Variants in RFX3 observed in about 807,000 individuals in gnomAD.
RFX3 encodes the protein transcription factor RFX3.
RFX3 carries 14 observed loss-of-function variants against 98.6 expected under a neutral mutation model. The ratio of observed to expected loss-of-function variants is 0.14; its 90% CI spans 0.09 to 0.22. The LOEUF is 0.22. Among genes scored for constraint, RFX3 ranks in the 10% least tolerant of loss-of-function variants. The pLI is 1.00. For synonymous variants in RFX3, 383 were observed against 328.4 expected, an observed-to-expected ratio of 1.17 and a Z score of -1.80; for missense variants, 639 against 926.9, an observed-to-expected ratio of 0.69 and a Z score of 4.03.
chr9:3,453,110 C>T (rs1055460515), intron 1 of RFX3, among the ~76,000 whole-genome samples: 4 of 152,180 alleles, frequency 2.6e-5, no homozygotes, highest in African/African-American at 9.6e-5. Context: ...AATAAAAACA[C>T]ATGTAAATTT....
intron 1 of RFX3, among the ~76,000 whole-genome samples, chr9:3,510,642 T>G (rs1817580982): frequency 6.6e-6 from 1 of 152,056 alleles, no homozygotes; most frequent in African/African-American, 2.4e-5. Flanking sequence ...GTACAAGGTA[T>G]CTAAAAGCAC....
chr9:3,498,851 G>C (rs1434419606), intron 1 of RFX3, among the ~76,000 whole-genome samples: 1 of 152,030 alleles, frequency 6.6e-6, no homozygotes, highest in East Asian at 1.9e-4. Flanking sequence ...CGGTTGCTAG[G>C]AGTCTGTTGC....
At chr9:3,240,222 A>T (rs1041891973) in intron 15 of RFX3, among the ~76,000 whole-genome samples, 1 of 152,210 alleles carries the variant, frequency 6.6e-6, no homozygotes, top group African/African-American at 2.4e-5. Context: ...GGTGGATAGA[A>T]CAGATTTTAT....
Position 3,219,367 on chromosome 9 carries a change from G to A in RFX3, c.*5675C>T, listed in dbSNP as rs1425219097. On this transcript the variant is annotated 3_prime_UTR_variant, in exon 17 of 17. Coordinates refer to ENST00000617270, the MANE Select transcript of RFX3 (RefSeq NM_001282116.2). ...AAAATTCTTCTAAAGAATATTTGTT[G>A]TCCTCGTTATTGAGCTACATAAACA... 2.6e-5 allele frequency: 4 copies of A among 151,010 alleles called. No homozygotes were observed. Among genetic ancestry groups the A allele is most frequent in the Admixed American group, 2.6e-4 (4 of 15,146 alleles). 9.4% of individuals were successfully genotyped at this position (151,010 alleles called of 1,614,324 possible).
rs761194162 is a variant in RFX3 at position 3,221,466 on chromosome 9, T to A, written c.*3576A>T. ...TTTAGGTATGCAGTGTTAAAACCAT[T>A]TTCTAAATTTTACTTTTGTTTTTAA... On this transcript the variant is annotated 3_prime_UTR_variant, in exon 17 of 17. Transcript: ENST00000617270. The A allele has an allele frequency of 4.6e-5, 7 of 152,162 alleles. No individual in the cohort carries two copies. Among genetic ancestry groups the A allele is most frequent in the Non-Finnish European group, 8.8e-5 (6 of 68,018 alleles). The allele number at this position is 152,162 out of a possible 1,614,324, so 9.4% of individuals were successfully genotyped here. A position where few individuals can be genotyped will look rare whatever the true frequency, so the allele number is the denominator to read the frequency against.
At chr9:3,466,317 T>C (rs1455294085) in intron 1 of RFX3, among the ~76,000 whole-genome samples, 1 of 152,216 alleles carries the variant, frequency 6.6e-6, no homozygotes, top group Non-Finnish European at 1.5e-5. Flanking sequence ...TTCCTATTCC[T>C]AGCTCCATGC....
intron 1 of RFX3, among the ~76,000 whole-genome samples, chr9:3,487,301 C>G (rs1032205052): frequency 2.0e-5 from 3 of 152,182 alleles, no homozygotes; most frequent in Non-Finnish European, 4.4e-5. Flanking sequence ...TTACTAATGT[C>G]ATTTTAAGCC....
intron 14 of RFX3, among the ~76,000 whole-genome samples, chr9:3,253,875 G>C (rs1821756048): frequency 6.6e-6 from 1 of 152,044 alleles, no homozygotes; most frequent in South Asian, 2.1e-4. Flanking sequence ...CTGATAGTTT[G>C]TGAATGTAAT....
rs555327838 is a variant in RFX3, at chr9:3,512,875, A to T, written c.-9+12872T>A. 3.7e-4 allele frequency among the ~76,000 whole-genome samples: 56 copies of T among 152,164 alleles called. 1 individual carries two copies. The highest frequency in any genetic ancestry group is 1.3e-3 in the African/African-American group (55 of 41,544). ...TCCAAATTCTCTACTAATTTCATTC[A>T]ACTCCACTTTTCAGTATCTCTTCCA... On this transcript the variant is annotated intron_variant, in intron 1 of 16. Transcript: ENST00000617270.
At chr9:3,294,185 A>G (rs1449086621) in intron 5 of RFX3, among the ~76,000 whole-genome samples, 1 of 152,190 alleles carries the variant, frequency 6.6e-6, no homozygotes, top group Non-Finnish European at 1.5e-5. Context: ...AAATAGACTT[A>G]AATAACTTTC....
intron 15 of RFX3, among the ~76,000 whole-genome samples, chr9:3,242,916 T>A (rs1420784524): frequency 6.6e-6 from 1 of 151,956 alleles, no homozygotes; most frequent in East Asian, 1.9e-4. Context: ...ATATTAAGTA[T>A]AATTAAATTA....
chr9:3,249,267 T>G (rs539387289), intron 14 of RFX3, among the ~76,000 whole-genome samples: 81 of 152,298 alleles, frequency 5.3e-4, no homozygotes, highest in African/African-American at 1.9e-3. Flanking sequence ...AAATAGAGGC[T>G]ACTAATACAT....
chr9:3,463,816 TA>T (rs570798019), intron 1 of RFX3, among the ~76,000 whole-genome samples: 3 of 151,558 alleles, frequency 2.0e-5, no homozygotes, highest in South Asian at 2.1e-4. Flanking sequence ...TACAAAAAGT[TA>T]AAAAAAATTA....
At chr9:3,460,697 T>A (rs1255232738) in intron 1 of RFX3, among the ~76,000 whole-genome samples, 1 of 149,872 alleles carries the variant, frequency 6.7e-6, no homozygotes, top group Admixed American at 6.6e-5. Flanking sequence ...CCTCCCTTAA[T>A]CCCAACCCAA....
rs146478264 is a variant in RFX3, at chr9:3,265,030, T to C, written c.1455+1178A>G. Among the ~76,000 whole-genome samples, 3 of 152,276 alleles carry C rather than the reference T, an allele frequency of 2.0e-5. No homozygotes were observed. In the East Asian group the frequency reaches 5.8e-4, roughly 29 times the overall value. The stretch of plus-strand genomic sequence containing the variant: ...TTCTTTCTTGCACACCTCCATGTGG[T>C]ATACAACAGCACTGCCAAAGAGAAC... On this transcript the variant is annotated intron_variant, in intron 12 of 16. Transcript: ENST00000617270.
chr9:3,440,652 G>C (rs1845534869), intron 1 of RFX3, among the ~76,000 whole-genome samples: 1 of 152,142 alleles, frequency 6.6e-6, no homozygotes, highest in Non-Finnish European at 1.5e-5. Flanking sequence ...AACATGTCAA[G>C]TCTTGCTAAA....
At chr9:3,379,144 A>G (rs747476237) in intron 2 of RFX3, among the ~76,000 whole-genome samples, 6 of 152,304 alleles carry the variant, frequency 3.9e-5, no homozygotes, top group Non-Finnish European at 8.8e-5. Flanking sequence ...GCAAAGGGAG[A>G]CATGGTCCCT....
At chr9:3,233,241 G>A (rs1818715734) in intron 15 of RFX3, among the ~76,000 whole-genome samples, 1 of 152,214 alleles carries the variant, frequency 6.6e-6, no homozygotes, top group African/African-American at 2.4e-5. Context: ...GCTTAGCACA[G>A]CCAGGGCAAT....
In RFX3 at chr9:3,288,258, A is replaced by G; in HGVS notation, c.732-8T>C. The G allele has an allele frequency of 6.2e-7, 1 of 1,611,052 alleles. No homozygotes were observed. The highest frequency in any genetic ancestry group is 8.5e-7 in the Non-Finnish European group (1 of 1,177,714). ...TGGTATTTGGAGTTTCCTCTTCATT[A>G]ATGAACAAGAAACATTAGAAACAAA... is the stretch of plus-strand genomic sequence containing the variant. On this transcript the variant is annotated splice_polypyrimidine_tract_variant and splice_region_variant and intron_variant, in intron 6 of 16. Coordinates refer to ENST00000617270, the MANE Select transcript of RFX3 (RefSeq NM_001282116.2).
Sources: gnomAD v4.1 joint callset for allele counts (sites outside exome capture counted in the v4.1 genomes callset) on GRCh38, gnomAD v4.1.1 for gene constraint, MANE v1.5 for transcripts, NCBI Gene and HGNC (gene_info 2026-07-23, HGNC 2026-07-21) for gene names.